RBFOX1: variants seen among roughly 807,000 people sequenced by gnomAD.
RBFOX1 encodes the protein RNA binding protein fox-1 homolog 1.
RBFOX1 carries 8 observed loss-of-function variants against 57.7 expected under a neutral mutation model. The observed-to-expected ratio is 0.14, with a 90% CI of 0.08 to 0.25. The LOEUF (loss-of-function observed/expected upper bound fraction) is 0.25, where lower values mean the gene tolerates loss of function less well. Ranked by LOEUF, RBFOX1 falls within the 10% of genes least tolerant of loss-of-function variation. RBFOX1 has a pLI of 1.00. For missense variants in RBFOX1, 611 were observed against 548.5 expected, an observed-to-expected ratio of 1.11 and a Z score of -1.14; for synonymous variants, 326 against 222.4, an observed-to-expected ratio of 1.47 and a Z score of -4.15.
chr16:6,717,457 G>C (rs549860633), intron 3 of RBFOX1, among the ~76,000 whole-genome samples: 50 of 152,152 alleles, frequency 3.3e-4, no homozygotes, highest in African/African-American at 8.4e-4. Context: ...GACACGTTTT[G>C]GCACTTGTTA....
At chr16:6,471,646 G>T (rs538889748) in intron 2 of RBFOX1, among the ~76,000 whole-genome samples, 1 of 151,454 alleles carries the variant, frequency 6.6e-6, no homozygotes, top group South Asian at 2.1e-4. Flanking sequence ...TATTGGGATT[G>T]TATTTCTGAC....
At chr16:7,064,225 G>C (rs11639644) in intron 4 of RBFOX1, among the ~76,000 whole-genome samples, 7,349 of 146,886 alleles carry the variant, frequency 0.05, 320 homozygotes, top group East Asian at 0.2. Flanking sequence ...CTGGAGTGCA[G>C]TGGCGTGATC....
At chr16:6,507,095 A>G (rs1156861191) in intron 2 of RBFOX1, among the ~76,000 whole-genome samples, 3 of 152,000 alleles carry the variant, frequency 2.0e-5, no homozygotes, top group African/African-American at 7.2e-5. Flanking sequence ...GTACATCCCA[A>G]GTCTCCGCTT....
At chr16:7,276,897 A>G (rs1434111484) in intron 4 of RBFOX1, among the ~76,000 whole-genome samples, 2 of 152,188 alleles carry the variant, frequency 1.3e-5, no homozygotes, top group African/African-American at 4.8e-5. Flanking sequence ...GGAATCTCAA[A>G]TGTTTAGTGA....
intron 3 of RBFOX1, among the ~76,000 whole-genome samples, chr16:6,829,688 G>C (rs146443690): frequency 6.6e-6 from 1 of 151,836 alleles, no homozygotes; most frequent in African/African-American, 2.4e-5. Context: ...TACAACCTCC[G>C]TCTCCTGGGT....
rs9929409 is a variant in RBFOX1 at position 5,342,798 on chromosome 16, C to T, written c.219+102693C>T. Among the ~76,000 whole-genome samples, 574 of 152,276 alleles carry T rather than the reference C, an allele frequency of 3.8e-3. 3 individuals carry two copies. The highest frequency in any genetic ancestry group is 0.012 in the African/African-American group (507 of 41,552). The stretch of plus-strand genomic sequence containing the variant: ...TGGTATTGCAACATGTCAGCAAAAC[C>T]ATCTGCTTACCTAGTTTTCCTTACT... On this transcript the variant is annotated intron_variant, in intron 1 of 2. Transcript: ENST00000585867.
chr16:6,669,000 G>C lies in RBFOX1; in HGVS notation c.-16+14350G>C, dbSNP rs146638237. Among the ~76,000 whole-genome samples the C allele has an allele frequency of 4.1e-3, 622 of 152,246 alleles. 4 individuals carry two copies. The highest frequency in any genetic ancestry group is 0.013 in the African/African-American group (558 of 41,532). ...GTTAATTAATTTTTCTTTCTCTTCA[G>C]TTGGTGGGTTTTATTATCCCACTTC... On this transcript the variant is annotated intron_variant, in intron 3 of 15. Transcript: ENST00000550418.
intron 3 of RBFOX1, among the ~76,000 whole-genome samples, chr16:5,806,583 A>T (rs1359974858): frequency 6.6e-6 from 1 of 152,220 alleles, no homozygotes; most frequent in Non-Finnish European, 1.5e-5. Context: ...CAACCTTAGC[A>T]GAGGTGAACA....
chr16:6,336,982 T>G (rs546075092), intron 2 of RBFOX1, among the ~76,000 whole-genome samples: 5 of 152,300 alleles, frequency 3.3e-5, no homozygotes, highest in African/African-American at 1.2e-4. Context: ...CCAGAGCAGT[T>G]TACATTGCAA....
intron 3 of RBFOX1, among the ~76,000 whole-genome samples, chr16:5,793,530 C>T (rs189784784): frequency 7.1e-4 from 108 of 152,326 alleles, no homozygotes; most frequent in Non-Finnish European, 4.0e-4. Flanking sequence ...TGGCACAAGC[C>T]ATGTTGCCTT....
chr16:6,219,988 G>C (rs571078730), intron 1 of RBFOX1, among the ~76,000 whole-genome samples: 1 of 152,112 alleles, frequency 6.6e-6, no homozygotes, highest in Non-Finnish European at 1.5e-5. Flanking sequence ...ATAGGTGTCC[G>C]TGTGTGTGTA....
intron 2 of RBFOX1, among the ~76,000 whole-genome samples, chr16:6,489,086 G>A (rs553820711): frequency 3.3e-5 from 5 of 152,120 alleles, no homozygotes; most frequent in African/African-American, 4.8e-5. Flanking sequence ...TATGGCATGG[G>A]TCGTTGTGAT....
At chr16:6,506,432 G>A (rs2153751227) in intron 2 of RBFOX1, among the ~76,000 whole-genome samples, 1 of 152,128 alleles carries the variant, frequency 6.6e-6, no homozygotes, top group Non-Finnish European at 1.5e-5. Context: ...AACAAAAGGA[G>A]AGGGTTTCGT....
At chr16:6,379,192 C>G (rs922579467) in intron 2 of RBFOX1, among the ~76,000 whole-genome samples, 2 of 152,042 alleles carry the variant, frequency 1.3e-5, no homozygotes, top group African/African-American at 4.8e-5. Context: ...TTTTGGGCCC[C>G]TGTAGAAGAC....
At chr16:5,975,595 C>G (rs777131176) in intron 4 of RBFOX1, among the ~76,000 whole-genome samples, 2 of 152,160 alleles carry the variant, frequency 1.3e-5, no homozygotes, top group Non-Finnish European at 2.9e-5. Flanking sequence ...GTGTATTCAT[C>G]TTTCCTGTGT....
intron 1 of RBFOX1, among the ~76,000 whole-genome samples, chr16:5,294,613 T>G (rs1303558614): frequency 6.6e-6 from 1 of 152,156 alleles, no homozygotes; most frequent in East Asian, 1.9e-4. Context: ...CTGTACATAT[T>G]GAAACAGGCA....
chr16:5,652,221 C>T (rs1289601669), intron 3 of RBFOX1, among the ~76,000 whole-genome samples: 1 of 152,106 alleles, frequency 6.6e-6, no homozygotes, highest in Non-Finnish European at 1.5e-5. Context: ...CTTTAGATAC[C>T]ACTTAGCACT....
chr16:6,643,122 G>A (rs1417641554), intron 2 of RBFOX1, among the ~76,000 whole-genome samples: 2 of 152,212 alleles, frequency 1.3e-5, no homozygotes, highest in South Asian at 2.1e-4. Flanking sequence ...AAGTAATTAG[G>A]GCTTAGTAAT....
intron 2 of RBFOX1, among the ~76,000 whole-genome samples, chr16:6,606,357 CTG>C (rs1567855262): frequency 6.6e-6 from 1 of 152,162 alleles, no homozygotes; most frequent in Non-Finnish European, 1.5e-5. Flanking sequence ...TCAAAAATGA[CTG>C]TACGTGTTTT....
Sources: allele counts gnomAD v4.1 joint callset (sites outside exome capture counted in the v4.1 genomes callset), GRCh38; gene constraint gnomAD v4.1.1; transcripts MANE v1.5; gene names NCBI Gene and HGNC (gene_info 2026-07-23, HGNC 2026-07-21).